Variants in RNF4 observed in about 807,000 individuals in gnomAD.
RNF4 encodes E3 ubiquitin-protein ligase RNF4.
A neutral mutation model predicts 24.3 loss-of-function variants in RNF4; 7 were observed. The observed-to-expected ratio is 0.29, with a 90% CI of 0.16 to 0.54. RNF4 has a LOEUF of 0.54. Ranked by LOEUF, RNF4 falls within the 20% of genes least tolerant of loss-of-function variation. The pLI is 0.95. For synonymous variants in RNF4, 83 were observed against 84.3 expected, an observed-to-expected ratio of 0.98 and a Z score of 0.09; for missense variants, 209 against 248.5, an observed-to-expected ratio of 0.84 and a Z score of 1.07.
intron 1 of RNF4, among the ~76,000 whole-genome samples, chr4:2,487,650 G>T (rs1402260633): frequency 6.6e-6 from 1 of 152,066 alleles, no homozygotes; most frequent in Non-Finnish European, 1.5e-5. Flanking sequence ...TCCAATTCCT[G>T]GGCTCAAGAG....
At chr4:2,476,753 C>T (rs1019063432) in intron 1 of RNF4, among the ~76,000 whole-genome samples, 5 of 150,418 alleles carry the variant, frequency 3.3e-5, no homozygotes, top group South Asian at 4.2e-4. Context: ...CTATGTTTCC[C>T]GGGCAGGAGT....
intron 4 of RNF4, among the ~76,000 whole-genome samples, chr4:2,501,660 C>T (rs1403035314): frequency 2.0e-5 from 3 of 152,022 alleles, no homozygotes; most frequent in Non-Finnish European, 2.9e-5. Context: ...ACAGTGTGCT[C>T]GGAACACAGG....
chr4:2,492,907 A>G (rs924514435), intron 2 of RNF4, among the ~76,000 whole-genome samples: 24 of 152,182 alleles, frequency 1.6e-4, no homozygotes, highest in Admixed American at 5.9e-4. Flanking sequence ...CCTTTTGTGC[A>G]TGTGTGTGAA....
Position 2,512,380 on chromosome 4 carries a change from T to C in RNF4, c.215-58T>C. On this transcript the variant is annotated intron_variant, in intron 5 of 7. Transcript: ENST00000314289. This position sits in a 1 kb window ranked among gnomAD's most constrained non-coding sequence, Gnocchi z 4.1. ...GTCTTAAGAGGCGTCAGGATGGGAG[T>C]GGTGAGGATGGTAAGAGTAGAGAGC... 1 of 1,550,132 alleles carries C rather than the reference T, an allele frequency of 6.5e-7. No individual in the cohort carries two copies.
chr4:2,479,171 G>T (rs1455690939), intron 1 of RNF4, among the ~76,000 whole-genome samples: 5 of 152,206 alleles, frequency 3.3e-5, no homozygotes, highest in African/African-American at 1.2e-4. Context: ...CATTTGGAAT[G>T]GCTGTATTTA....
rs1413474807 is a variant in RNF4 at position 2,515,240 on chromosome 4, G to T, written c.*1421G>T. ...ACCTTCAGTTTACCCTTCTGAAGGAGCAGGGACTCAGCACAGAATTCACTT... is the reference window on the plus strand; with the variant it reads ...ACCTTCAGTTTACCCTTCTGAAGGATCAGGGACTCAGCACAGAATTCACTT... On this transcript the variant is annotated 3_prime_UTR_variant, in exon 8 of 8. Transcript: ENST00000314289. 6.5e-6 allele frequency: 1 copy of T among 152,704 alleles called. No homozygotes were observed. The highest frequency in any genetic ancestry group is 1.5e-5 in the Non-Finnish European group (1 of 68,052). The allele number at this position is 152,704 out of a possible 1,614,324, so 9.5% of individuals were successfully genotyped here.
intron 1 of RNF4, among the ~76,000 whole-genome samples, chr4:2,476,165 C>T (rs573934393): frequency 6.6e-6 from 1 of 152,312 alleles, no homozygotes; most frequent in East Asian, 1.9e-4. Context: ...AGGCATTTCC[C>T]TGTCTGCCAC....
At chr4:2,479,872 C>G (rs1406156628) in intron 1 of RNF4, 1 of 152,152 alleles carries the variant, frequency 6.6e-6, no homozygotes, top group South Asian at 2.1e-4. Flanking sequence ...TTCAAAAACA[C>G]TCTGCCATCT....
chr4:2,496,626 A>G (rs1371982930), intron 2 of RNF4, among the ~76,000 whole-genome samples: 2 of 151,972 alleles, frequency 1.3e-5, no homozygotes, highest in East Asian at 1.9e-4. Context: ...ACGCCCAGCT[A>G]ACTTTTGTAT....
intron 1 of RNF4, among the ~76,000 whole-genome samples, chr4:2,484,236 G>A (rs981372399): frequency 3.3e-5 from 5 of 151,882 alleles, no homozygotes; most frequent in East Asian, 1.9e-4. Context: ...AGAGCTTCTC[G>A]TTAGAGCATC....
chr4:2,500,860 T>C (rs1735889144), intron 4 of RNF4, 122 bp downstream of exon 4: 1 of 823,692 alleles, frequency 1.2e-6, no homozygotes, highest in Non-Finnish European at 2.0e-6. Flanking sequence ...AAGAAGTTCA[T>C]GCATCTTGTG....
chr4:2,508,205 A>G (rs1356841130), intron 4 of RNF4, among the ~76,000 whole-genome samples: 1 of 152,132 alleles, frequency 6.6e-6, no homozygotes, highest in Non-Finnish European at 1.5e-5. Context: ...TAAACTATTC[A>G]GTTCAGGGGA....
chr4:2,508,101 C>T (rs1044973651), intron 4 of RNF4, among the ~76,000 whole-genome samples: 3 of 152,166 alleles, frequency 2.0e-5, no homozygotes, highest in South Asian at 2.1e-4. Context: ...CCCGCCTTGG[C>T]CTCCCAGGGT....
chr4:2,505,355 TCG>T (rs1193345330), intron 4 of RNF4: 1 of 150,604 alleles, frequency 6.6e-6, no homozygotes, highest in African/African-American at 2.4e-5. Flanking sequence ...AGATGGAGTC[TCG>T]CTCTGTTGCC....
intron 3 of RNF4, among the ~76,000 whole-genome samples, chr4:2,498,103 C>G (rs1368607579): frequency 6.6e-6 from 1 of 152,220 alleles, no homozygotes; most frequent in Non-Finnish European, 1.5e-5. Flanking sequence ...AAGGAACGAA[C>G]TGCTTTCCGT....
At chr4:2,509,831 G>A (rs996098670) in intron 4 of RNF4, among the ~76,000 whole-genome samples, 1 of 152,188 alleles carries the variant, frequency 6.6e-6, no homozygotes, top group African/African-American at 2.4e-5. Context: ...CACCTAATTA[G>A]TGGGTCATCT....
At chr4:2,477,241 G>C (rs1182192342) in intron 1 of RNF4, among the ~76,000 whole-genome samples, 1 of 152,122 alleles carries the variant, frequency 6.6e-6, no homozygotes, top group African/African-American at 2.4e-5. Context: ...TTGAATCTTG[G>C]GGGCAGGTCT....
At chr4:2,505,668 T>C (rs1736076301) in intron 4 of RNF4, 1 of 150,012 alleles carries the variant, frequency 6.7e-6, no homozygotes, top group African/African-American at 2.5e-5. Context: ...GGTGCTGAGG[T>C]TTTCTTTAAC....
At chr4:2,499,017 C>T (rs545477107) in intron 3 of RNF4, among the ~76,000 whole-genome samples, 4 of 152,166 alleles carry the variant, frequency 2.6e-5, no homozygotes, top group Admixed American at 2.0e-4. Flanking sequence ...GCCAACATGG[C>T]GAAACCCCAT....
Sources: allele counts gnomAD v4.1 joint callset (sites outside exome capture counted in the v4.1 genomes callset), GRCh38; gene constraint gnomAD v4.1.1; non-coding constraint Gnocchi (gnomAD v3.1); transcripts MANE v1.5; gene names NCBI Gene and HGNC (gene_info 2026-07-23, HGNC 2026-07-21).